MBOAT1: variants seen among roughly 807,000 people sequenced by gnomAD.
The protein encoded by MBOAT1 is membrane bound glycerophospholipid O-acyltransferase 1.
MBOAT1 carries 67 observed loss-of-function variants against 64.4 expected under a neutral mutation model. That is an observed-to-expected ratio of 1.04 (90% confidence interval 0.85 to 1.27). The LOEUF is 1.27. Among genes scored for constraint, MBOAT1 ranks in the 50% most tolerant of loss-of-function variants. MBOAT1 has a pLI of 0.00. For missense variants in MBOAT1, 563 were observed against 604.6 expected, an observed-to-expected ratio of 0.93 and a Z score of 0.72; for synonymous variants, 229 against 218.9, an observed-to-expected ratio of 1.05 and a Z score of -0.41.
intron 3 of MBOAT1, among the ~76,000 whole-genome samples, chr6:20,148,374 C>T (rs1009913566): frequency 3.9e-5 from 6 of 152,092 alleles, no homozygotes; most frequent in African/African-American, 9.7e-5. Flanking sequence ...GCCAAGACCA[C>T]GCTATCGCAC....
intron 6 of MBOAT1, 142 bp from the exon 7 acceptor site, chr6:20,126,842 C>G: frequency 2.9e-6 from 2 of 694,258 alleles, no homozygotes; most frequent in South Asian, 1.8e-5. Flanking sequence ...ACAAAGTCAG[C>G]CGAGGAGAAA....
intron 3 of MBOAT1, among the ~76,000 whole-genome samples, chr6:20,147,206 T>C (rs570600165): frequency 6.6e-6 from 1 of 152,356 alleles, no homozygotes; most frequent in African/African-American, 2.4e-5. Context: ...TTACCCAGTC[T>C]CAGGTATGTC....
chr6:20,190,684 A>G (rs1413841418), intron 1 of MBOAT1, among the ~76,000 whole-genome samples: 1 of 151,720 alleles, frequency 6.6e-6, no homozygotes, highest in African/African-American at 2.4e-5. Context: ...TTAAGTGCCC[A>G]CTGAGAAAGG....
intron 3 of MBOAT1, among the ~76,000 whole-genome samples, chr6:20,146,141 T>G (rs1464529429): frequency 6.6e-6 from 1 of 152,196 alleles, no homozygotes; most frequent in South Asian, 2.1e-4. Context: ...CCATCGGATA[T>G]AGACATAAAT....
chr6:20,109,894 C>T (rs1427199711), intron 11 of MBOAT1, 145 bp from the exon 12 acceptor site: 1 of 483,394 alleles, frequency 2.1e-6, no homozygotes, highest in Non-Finnish European at 3.3e-6. Flanking sequence ...CTACAAATAC[C>T]ATCAGGACTT....
chr6:20,180,527 T>C (rs1398130693), intron 1 of MBOAT1, among the ~76,000 whole-genome samples: 1 of 152,160 alleles, frequency 6.6e-6, no homozygotes, highest in Non-Finnish European at 1.5e-5. Flanking sequence ...CTTGCTCCAA[T>C]AAACACCACA....
At chr6:20,174,386 G>C (rs1293839332) in intron 1 of MBOAT1, among the ~76,000 whole-genome samples, 5 of 152,188 alleles carry the variant, frequency 3.3e-5, no homozygotes, top group African/African-American at 4.8e-5. Context: ...ATTACTTGCA[G>C]GTTACACATC....
chr6:20,182,036 T>C (rs1321169696), intron 1 of MBOAT1, among the ~76,000 whole-genome samples: 3 of 152,164 alleles, frequency 2.0e-5, no homozygotes, highest in East Asian at 3.8e-4. Context: ...CCTGGATAAA[T>C]TGCTCAAATT....
intron 3 of MBOAT1, among the ~76,000 whole-genome samples, chr6:20,146,057 T>G (rs1761316593): frequency 6.6e-6 from 1 of 152,188 alleles, no homozygotes; most frequent in South Asian, 2.1e-4. Flanking sequence ...ACCTGACACA[T>G]GGGAGGGGTT....
chr6:20,180,886 C>T (rs73384475), intron 1 of MBOAT1, among the ~76,000 whole-genome samples: 1,903 of 152,114 alleles, frequency 0.013, 44 homozygotes, highest in African/African-American at 0.044. Context: ...CAATTGGAGA[C>T]CTAGAAAGGC....
intron 1 of MBOAT1, among the ~76,000 whole-genome samples, chr6:20,182,472 G>A (rs1199579442): frequency 6.6e-6 from 1 of 152,152 alleles, no homozygotes; most frequent in Non-Finnish European, 1.5e-5. Context: ...TCTTCCTCCT[G>A]AGTCCATACA....
intron 1 of MBOAT1, among the ~76,000 whole-genome samples, chr6:20,198,152 C>T (rs963779292): frequency 2.7e-5 from 4 of 150,762 alleles, no homozygotes; most frequent in African/African-American, 4.9e-5. Context: ...CACTTGAACC[C>T]GGGAGGCAGA....
chr6:20,181,387 A>G (rs1762503246), intron 1 of MBOAT1, among the ~76,000 whole-genome samples: 1 of 152,008 alleles, frequency 6.6e-6, no homozygotes, highest in Admixed American at 6.6e-5. Flanking sequence ...TCCTAGTACC[A>G]TCTCCCTTCT....
chr6:20,191,550 A>C (rs1165522107), intron 1 of MBOAT1, among the ~76,000 whole-genome samples: 1 of 152,192 alleles, frequency 6.6e-6, no homozygotes, highest in Non-Finnish European at 1.5e-5. Context: ...CCCAGCTTTA[A>C]GCCACTGAAC....
At chr6:20,150,773 G>A (rs145025752) in intron 3 of MBOAT1, among the ~76,000 whole-genome samples, 2,312 of 150,640 alleles carry the variant, frequency 0.015, 59 homozygotes, top group African/African-American at 0.052. Context: ...GTAGAGACGA[G>A]GTTTCACCAT....
chr6:20,209,775 G>T (rs755672894), intron 1 of MBOAT1, among the ~76,000 whole-genome samples: 5 of 152,300 alleles, frequency 3.3e-5, no homozygotes, highest in South Asian at 4.1e-4. Flanking sequence ...CCCTAGATCT[G>T]CCTCCACCTT....
intron 1 of MBOAT1, among the ~76,000 whole-genome samples, chr6:20,189,884 T>C (rs1394178681): frequency 6.6e-6 from 1 of 152,242 alleles, no homozygotes; most frequent in African/African-American, 2.4e-5. Context: ...TAAGGCTAAG[T>C]AGTATTCCAC....
intron 1 of MBOAT1, among the ~76,000 whole-genome samples, chr6:20,208,044 C>T (rs1257667320): frequency 6.6e-6 from 1 of 152,082 alleles, no homozygotes; most frequent in Non-Finnish European, 1.5e-5. Flanking sequence ...GGAATGTGAG[C>T]TGAGCTTTTA....
At chr6:20,202,419 CA>C (rs1361172143) in intron 1 of MBOAT1, among the ~76,000 whole-genome samples, 6 of 152,114 alleles carry the variant, frequency 3.9e-5, no homozygotes, top group African/African-American at 1.4e-4. Flanking sequence ...TGGAAATCCC[CA>C]GCAATATCAG....
Sources: gnomAD v4.1 joint callset for allele counts (sites outside exome capture counted in the v4.1 genomes callset) on GRCh38, gnomAD v4.1.1 for gene constraint, MANE v1.5 for transcripts, NCBI Gene and HGNC (gene_info 2026-07-23, HGNC 2026-07-21) for gene names.